Variants in CCDC192 observed in about 807,000 individuals in gnomAD.
CCDC192 encodes the protein coiled-coil domain containing 192, also known as coiled-coil domain-containing protein 192.
Position 127,741,541 on chromosome 5 carries a change from C to CT in CCDC192, c.115-12720dup, listed in dbSNP as rs548295686. On this transcript the variant is annotated intron_variant, in intron 2 of 6. Transcript: ENST00000514853. The stretch of plus-strand genomic sequence containing the variant: ...TATGTGTGTGCAAGCTGTGCACATA[C>CT]TTTTTTTGATAAGAGAATTCACAGA... Among the ~76,000 whole-genome samples, 35 of 152,176 alleles carry CT rather than the reference C, an allele frequency of 2.3e-4. No homozygotes were observed. The East Asian group carries it at 6.4e-3, about 28-fold the overall frequency.
chr5:127,933,791 G>A (rs1350162026), intron 6 of CCDC192, among the ~76,000 whole-genome samples: 1 of 152,118 alleles, frequency 6.6e-6, no homozygotes, highest in Non-Finnish European at 1.5e-5. Flanking sequence ...TCATGAATGG[G>A]AGTAATGCTT....
chr5:127,866,169 GA>G (rs548971565), intron 5 of CCDC192, among the ~76,000 whole-genome samples: 27 of 151,602 alleles, frequency 1.8e-4, no homozygotes, highest in African/African-American at 6.3e-4. Flanking sequence ...GTACCCCAAG[GA>G]AAAAAAATCT....
At chr5:127,848,466 G>A (rs1490884457) in intron 5 of CCDC192, among the ~76,000 whole-genome samples, 1 of 152,052 alleles carries the variant, frequency 6.6e-6, no homozygotes, top group Non-Finnish European at 1.5e-5. Context: ...TTTTCTTCCT[G>A]GAGAGCCTGG....
intron 2 of CCDC192, among the ~76,000 whole-genome samples, chr5:127,750,288 C>T (rs1376478697): frequency 6.6e-5 from 10 of 152,100 alleles, no homozygotes; most frequent in South Asian, 4.1e-4. Flanking sequence ...GCTTTGAATG[C>T]ATCCCAGAGA....
rs562735017 is a variant in CCDC192, at chr5:127,926,955, G to T, written c.536-14227G>T. Among the ~76,000 whole-genome samples, 4 of 152,274 alleles carry T rather than the reference G, an allele frequency of 2.6e-5. No individual in the cohort carries two copies. The South Asian group carries it at 8.3e-4, about 32-fold the overall frequency. Reference sequence around the variant, plus strand: ...AGTGTCCTGTTACCAAAATGAAGGGGAGAGTGCTCTGAGGAAGACTGTCAA... The same window carrying T: ...AGTGTCCTGTTACCAAAATGAAGGGTAGAGTGCTCTGAGGAAGACTGTCAA... On this transcript the variant is annotated intron_variant, in intron 6 of 6. Transcript: ENST00000514853.
At chr5:127,933,730 T>A (rs1754115110) in intron 6 of CCDC192, among the ~76,000 whole-genome samples, 1 of 152,150 alleles carries the variant, frequency 6.6e-6, no homozygotes, top group Non-Finnish European at 1.5e-5. Flanking sequence ...AGTGGGTTGC[T>A]ATTAAAAGGT....
chr5:127,703,640 C>T (rs1750800750), intron 1 of CCDC192, 133 bp downstream of exon 1: 1 of 383,464 alleles, frequency 2.6e-6, no homozygotes, highest in Non-Finnish European at 4.6e-6. Flanking sequence ...TTTATCCTTT[C>T]CTGGAGAGTG....
At chr5:127,765,869 G>A (rs901155898) in intron 3 of CCDC192, among the ~76,000 whole-genome samples, 1 of 152,128 alleles carries the variant, frequency 6.6e-6, no homozygotes, top group African/African-American at 2.4e-5. Context: ...GACCGTGAAT[G>A]AAAAAGGAGT....
chr5:127,850,262 G>C (rs1225897134), intron 5 of CCDC192, among the ~76,000 whole-genome samples: 2 of 152,176 alleles, frequency 1.3e-5, no homozygotes, highest in Non-Finnish European at 2.9e-5. Flanking sequence ...GCTACATTCT[G>C]CTGGTCTAAC....
intron 6 of CCDC192, among the ~76,000 whole-genome samples, chr5:127,929,512 G>C (rs1280857820): frequency 1.3e-5 from 2 of 152,188 alleles, no homozygotes; most frequent in Admixed American, 1.3e-4. Context: ...GCATTCAAGT[G>C]TCCTGTCATC....
rs1409892042 is a variant in CCDC192 at position 127,853,300 on chromosome 5, A to G, written c.412-22238A>G. ...CTTAGAAACATTATTTTCCATATGT[A>G]TAATAATTCAAAAATGTTAAAATTC... is the stretch of plus-strand genomic sequence containing the variant. On this transcript the variant is annotated intron_variant, in intron 5 of 6. Coordinates refer to ENST00000514853, the MANE Select transcript of CCDC192 (RefSeq NM_001317938.2). Among the ~76,000 whole-genome samples, 6 of 152,192 alleles carry G rather than the reference A, an allele frequency of 3.9e-5. No individual in the cohort carries two copies. In the East Asian group the frequency reaches 1.2e-3, roughly 29 times the overall value.
chr5:127,702,425 GTTC>G (rs1448084660), upstream of CCDC192, among the ~76,000 whole-genome samples: 1 of 152,196 alleles, frequency 6.6e-6, no homozygotes, highest in Non-Finnish European at 1.5e-5. Context: ...CCGCTCAATA[GTTC>G]TTAATTTTAT....
Position 127,925,713 on chromosome 5 carries a change from C to T in CCDC192, c.536-15469C>T, listed in dbSNP as rs943938500. Among the ~76,000 whole-genome samples, 4 of 152,134 alleles carry T rather than the reference C, an allele frequency of 2.6e-5. No homozygotes were observed. In the East Asian group the frequency reaches 5.8e-4, roughly 22 times the overall value. Reference sequence around the variant, plus strand: ...CAAGTGTGCAAGGGCCCTCCCACGTCGACATTATTTTTACCCACTTCAACT... The same window carrying T: ...CAAGTGTGCAAGGGCCCTCCCACGTTGACATTATTTTTACCCACTTCAACT... On this transcript the variant is annotated intron_variant, in intron 6 of 6. Coordinates refer to ENST00000514853, the MANE Select transcript of CCDC192 (RefSeq NM_001317938.2).
chr5:127,800,396 A>AAAAAAAAAAAAAAAAAAAAAAG (rs1757433439), intron 5 of CCDC192, among the ~76,000 whole-genome samples: 1 of 127,862 alleles, frequency 7.8e-6, no homozygotes, highest in South Asian at 3.0e-4. Context: ...AAAAAAAAAA[A>AAAAAAAAAAAAAAAAAAAAAAG]AAAAACAACA....
chr5:127,848,783 G>A (rs918120271), intron 5 of CCDC192, among the ~76,000 whole-genome samples: 9 of 152,222 alleles, frequency 5.9e-5, no homozygotes, highest in Non-Finnish European at 1.0e-4. Flanking sequence ...TTACTTCAGA[G>A]ACACTTAGGT....
rs182770137 is a variant in CCDC192, at chr5:127,711,362, A to G, written c.114+3602A>G. 1.4e-4 allele frequency among the ~76,000 whole-genome samples: 22 copies of G among 152,324 alleles called. No individual in the cohort carries two copies. The East Asian group carries it at 4.2e-3, about 29-fold the overall frequency. On this transcript the variant is annotated intron_variant, in intron 2 of 6. Coordinates refer to ENST00000514853, the MANE Select transcript of CCDC192 (RefSeq NM_001317938.2). ...CTATTTTAAGTGCCAAATATATGAA[A>G]GCACTTTTTGGTTTTTAATTTGTAA...
chr5:127,830,249 G>T (rs1280635081), intron 5 of CCDC192, among the ~76,000 whole-genome samples: 1 of 152,042 alleles, frequency 6.6e-6, no homozygotes, highest in Admixed American at 6.6e-5. Context: ...ATACATTCTT[G>T]CCCTGACCAG....
chr5:127,705,812 C>T (rs1166350955), intron 1 of CCDC192, among the ~76,000 whole-genome samples: 2 of 152,088 alleles, frequency 1.3e-5, no homozygotes, highest in Non-Finnish European at 2.9e-5. Flanking sequence ...GGAAAACATC[C>T]GTTTTGTGAG....
At chr5:127,799,140 C>T (rs1757336196) in intron 5 of CCDC192, among the ~76,000 whole-genome samples, 1 of 152,182 alleles carries the variant, frequency 6.6e-6, no homozygotes, top group Admixed American at 6.5e-5. Context: ...CTTAACTACA[C>T]CAGGCCCCTC....
Sources: gnomAD v4.1 joint callset for allele counts (sites outside exome capture counted in the v4.1 genomes callset) on GRCh38, gnomAD v4.1.1 for gene constraint, MANE v1.5 for transcripts, NCBI Gene and HGNC (gene_info 2026-07-23, HGNC 2026-07-21) for gene names.